The following EPB41L3 variants were observed in gnomAD, a reference collection of about 807,000 sequenced individuals.
EPB41L3 encodes band 4.1-like protein 3.
EPB41L3 carries 57 observed loss-of-function variants against 127.1 expected under a neutral mutation model. The observed-to-expected ratio is 0.45, with a 90% CI of 0.36 to 0.56. EPB41L3 has a LOEUF of 0.56. Among genes scored for constraint, EPB41L3 ranks in the 20% least tolerant of loss-of-function variants. The probability of loss-of-function intolerance (pLI) is 0.00; values close to 1 mark genes in which losing one functional copy is unlikely to be tolerated. For synonymous variants in EPB41L3, 572 were observed against 549.5 expected (o/e 1.04, Z -0.57); for missense variants, 1,273 against 1,372.2 (o/e 0.93, Z 1.14).
chr18:5,581,652 C>T (rs911225477), intron 3 of EPB41L3, among the ~76,000 whole-genome samples: 1 of 152,148 alleles, frequency 6.6e-6, no homozygotes, highest in Admixed American at 6.5e-5. Flanking sequence ...TTTAGTTCTG[C>T]CTTATTCCAT....
At chr18:5,443,461 T>A (rs1598999560) in intron 5 of EPB41L3, among the ~76,000 whole-genome samples, 1 of 152,354 alleles carries the variant, frequency 6.6e-6, no homozygotes, top group Admixed American at 6.5e-5. Flanking sequence ...ACAGTAAACC[T>A]CAGTTTGACT....
At chr18:5,456,001 T>G (rs973888559) in intron 3 of EPB41L3, among the ~76,000 whole-genome samples, 2 of 152,102 alleles carry the variant, frequency 1.3e-5, no homozygotes, top group African/African-American at 4.8e-5. Context: ...AATTTTCCTG[T>G]GAGAGGAAGT....
chr18:5,430,537 T>G lies in EPB41L3; in HGVS notation c.913-2072A>C, dbSNP rs567370873. 7.9e-5 allele frequency among the ~76,000 whole-genome samples: 12 copies of G among 152,024 alleles called. No homozygotes were observed. In the East Asian group the frequency reaches 2.3e-3, roughly 29 times the overall value. On this transcript the variant is annotated intron_variant, in intron 8 of 22. Transcript: ENST00000341928. Reference sequence around the variant, plus strand: ...AAATTTTCTGCCACAGCCCACAGTATTGAGGTTAGTTTGAGAAATCTTTTT... The same window carrying G: ...AAATTTTCTGCCACAGCCCACAGTAGTGAGGTTAGTTTGAGAAATCTTTTT...
chr18:5,430,000 A>G (rs1429209804), intron 8 of EPB41L3, among the ~76,000 whole-genome samples: 1 of 152,208 alleles, frequency 6.6e-6, no homozygotes, highest in African/African-American at 2.4e-5. Flanking sequence ...TCTTTTTGGT[A>G]ACTATAGAAC....
At chr18:5,500,654 G>T (rs2091660308) in intron 1 of EPB41L3, among the ~76,000 whole-genome samples, 1 of 152,296 alleles carries the variant, frequency 6.6e-6, no homozygotes, top group Middle Eastern at 3.4e-3. Flanking sequence ...AAAAATGGCT[G>T]TCTCAAAATG....
intron 1 of EPB41L3, among the ~76,000 whole-genome samples, chr18:5,497,264 G>A (rs1325907545): frequency 6.6e-6 from 1 of 152,170 alleles, no homozygotes; most frequent in Non-Finnish European, 1.5e-5. Context: ...GCATTCTGAG[G>A]TGAGGAATGA....
chr18:5,488,972 G>A, intron 2 of EPB41L3, 29 bp downstream of exon 2: 1 of 1,558,198 alleles, frequency 6.4e-7, no homozygotes, highest in Non-Finnish European at 8.6e-7. Context: ...AGCAAACACT[G>A]CGTCATTAGT....
chr18:5,622,590 T>C (rs1392135286), intron 1 of EPB41L3, among the ~76,000 whole-genome samples: 1 of 152,230 alleles, frequency 6.6e-6, no homozygotes, highest in Non-Finnish European at 1.5e-5. Flanking sequence ...ATGTTTTTTT[T>C]AACATTTTCA....
chr18:5,534,754 AC>A (rs1252765949), intron 1 of EPB41L3, among the ~76,000 whole-genome samples: 2 of 152,196 alleles, frequency 1.3e-5, no homozygotes, highest in African/African-American at 4.8e-5. Flanking sequence ...GAAAACATGT[AC>A]TATGTGTATA....
At position 5,423,446 on chromosome 18, in the gene EPB41L3, T is replaced by A; in HGVS notation, c.1271A>T (p.Asp424Val). 2 of 1,613,834 alleles carry A rather than the reference T, an allele frequency of 1.2e-6. No homozygotes were observed. The highest frequency in any genetic ancestry group is 1.7e-6 in the Non-Finnish European group (2 of 1,179,812). The change falls in exon 11 of 23, where the codon GAT (aspartate) becomes GTT (valine). Residue 424 changes from aspartate to valine, a missense_variant. Transcript: ENST00000341928. ...GCGTTCAAAGTAAGGTGCTGGGCGA[T>A]CTATCAACGCACTGGCTCTTCTCGT... ...AQTRRASALI[D>V]RPAPYFERSS... is the part of the protein sequence containing the mutation.
chr18:5,429,214 G>A (rs2078644379), intron 8 of EPB41L3: 1 of 151,938 alleles, frequency 6.6e-6, no homozygotes, highest in South Asian at 2.1e-4. Context: ...TTAAATATGT[G>A]TATAGTTTTT....
Position 5,397,639 on chromosome 18 carries a change from C to T in EPB41L3, c.2473-213G>A, listed in dbSNP as rs1475773129. ...GGTGCATGCACTTGAACCTGCGCTG[C>T]TGCTTCAGGACATCCGCAAAACAAA... On this transcript the variant is annotated intron_variant, in intron 17 of 22. Transcript: ENST00000341928. The surrounding 1 kb of genome is among the most constrained non-coding windows in gnomAD (Gnocchi z 4.1). 6.6e-6 allele frequency among the ~76,000 whole-genome samples: 1 copy of T among 152,168 alleles called. No individual in the cohort carries two copies. The highest frequency in any genetic ancestry group is 1.5e-5 in the Non-Finnish European group (1 of 68,026).
chr18:5,478,571 T>C (rs754929478), intron 2 of EPB41L3, 133 bp from the exon 3 acceptor site: 7 of 718,968 alleles, frequency 9.7e-6, no homozygotes, highest in Non-Finnish European at 1.6e-5. Flanking sequence ...GGAATAGATA[T>C]AAATATACAG....
At chr18:5,436,563 G>C (rs1035755317) in intron 6 of EPB41L3, among the ~76,000 whole-genome samples, 1 of 151,694 alleles carries the variant, frequency 6.6e-6, no homozygotes, top group Non-Finnish European at 1.5e-5. Flanking sequence ...CGCCCGCCAC[G>C]ATGCCCGGCT....
At chr18:5,500,931 T>C (rs1251499147) in intron 1 of EPB41L3, among the ~76,000 whole-genome samples, 1 of 152,146 alleles carries the variant, frequency 6.6e-6, no homozygotes, top group East Asian at 1.9e-4. Flanking sequence ...GTAAGCTTCA[T>C]GCAGGTCCCC....
intron 3 of EPB41L3, among the ~76,000 whole-genome samples, chr18:5,596,344 G>A (rs1273766923): frequency 2.0e-5 from 3 of 152,164 alleles, no homozygotes; most frequent in Non-Finnish European, 4.4e-5. Context: ...GCTGGTCAGT[G>A]GACCAGGCTT....
At chr18:5,476,792 GCTGC>G (rs2087324673) in intron 3 of EPB41L3, among the ~76,000 whole-genome samples, 1 of 152,190 alleles carries the variant, frequency 6.6e-6, no homozygotes, top group African/African-American at 2.4e-5. Flanking sequence ...TATTACTGGA[GCTGC>G]CTATTTCCAG....
rs2073879441 is a variant in EPB41L3 at position 5,398,066 on chromosome 18, T to C, written c.2427A>G (p.Thr809=). ...TAGAAGTAACCCCTCCTATGAATTC[T>C]GTTGGTTTTCGCGCAGACTCTAATA... The part of the protein sequence containing the change: ...FSLLESARKP[T]EFIGGVTSTS... Residue 809 remains threonine, a synonymous_variant, in exon 17 of 23, where the codon ACA becomes ACG. Transcript: ENST00000341928. The C allele has an allele frequency of 6.2e-7, 1 of 1,614,012 alleles. No individual in the cohort carries two copies. The highest frequency in any genetic ancestry group is 2.2e-5 in the East Asian group (1 of 44,884).
At chr18:5,622,305 C>T (rs1037041332) in intron 1 of EPB41L3, among the ~76,000 whole-genome samples, 8 of 152,124 alleles carry the variant, frequency 5.3e-5, no homozygotes, top group Non-Finnish European at 8.8e-5. Flanking sequence ...ACTTACAATA[C>T]GCTAGCCATT....
Sources: gnomAD v4.1 joint callset for allele counts (sites outside exome capture counted in the v4.1 genomes callset) on GRCh38, gnomAD v4.1.1 for gene constraint, Gnocchi (gnomAD v3.1) non-coding constraint, MANE v1.5 for transcripts, NCBI Gene and HGNC (gene_info 2026-07-23, HGNC 2026-07-21) for gene names.